Variants in LRRC1 observed in about 807,000 individuals in gnomAD.
LRRC1 encodes the protein leucine rich repeat containing 1.
A neutral mutation model predicts 69.9 loss-of-function variants in LRRC1; 28 were observed. The ratio of observed to expected loss-of-function variants is 0.40; its 90% CI spans 0.30 to 0.55. The LOEUF is 0.55. LRRC1 is among the 20% of genes least tolerant of loss of function. The pLI is 0.47. For synonymous variants in LRRC1, 236 were observed against 240.2 expected (o/e 0.98, Z 0.16); for missense variants, 498 against 609.0 (o/e 0.82, Z 1.92).
At chr6:53,889,457 A>T (rs1767605335) in intron 4 of LRRC1, among the ~76,000 whole-genome samples, 1 of 152,238 alleles carries the variant, frequency 6.6e-6, no homozygotes, top group Non-Finnish European at 1.5e-5. Flanking sequence ...GGGTAAGTTG[A>T]TAAACAAAAT....
chr6:53,870,757 C>T (rs1766856087), intron 2 of LRRC1, among the ~76,000 whole-genome samples: 7 of 152,114 alleles, frequency 4.6e-5, no homozygotes, highest in Admixed American at 4.6e-4. Flanking sequence ...CTTACTGTAA[C>T]TTTATACCTG....
intron 2 of LRRC1, among the ~76,000 whole-genome samples, chr6:53,856,005 A>C (rs1188878597): frequency 6.6e-6 from 1 of 152,176 alleles, no homozygotes; most frequent in Non-Finnish European, 1.5e-5. Context: ...TCTCACTGCC[A>C]GTTGAGTTTA....
At chr6:53,900,018 CTGT>C (rs1562066392) in intron 8 of LRRC1, 127 bp downstream of exon 8, 23 of 283,876 alleles carry the variant, frequency 8.1e-5, no homozygotes, top group East Asian at 1.2e-4. Context: ...AGTCTCCTTA[CTGT>C]TTTTTTTTTT....
intron 2 of LRRC1, among the ~76,000 whole-genome samples, chr6:53,857,977 T>C (rs1766367328): frequency 6.6e-6 from 1 of 152,240 alleles, no homozygotes; most frequent in Admixed American, 6.5e-5. Context: ...CTGCTCATAA[T>C]GTGTACATGT....
chr6:53,841,997 G>C (rs1765803907), intron 1 of LRRC1, 113 bp from the exon 2 acceptor site: 1 of 634,366 alleles, frequency 1.6e-6, no homozygotes, highest in Non-Finnish European at 2.7e-6. Context: ...GGAAATTGAT[G>C]TTGCTACAAC....
Position 53,884,205 on chromosome 6 carries a change from A to G in LRRC1, c.446+1229A>G, listed in dbSNP as rs1256225764. 76 of 561,846 alleles carry G rather than the reference A, an allele frequency of 1.4e-4. 2 individuals carry two copies. In the East Asian group the frequency reaches 2.3e-3, roughly 17 times the overall value. The allele number at this position is 561,846 out of a possible 1,614,324, so 34.8% of individuals were successfully genotyped here. On this transcript the variant is annotated intron_variant, in intron 4 of 13. Transcript: ENST00000370888. ...TTGCTGTATCAAGTGTCAGATATTT[A>G]TAATGTAACAATTTTTGTGCTGGGC... is the stretch of plus-strand genomic sequence containing the variant.
At chr6:53,827,464 G>A (rs1187370166) in intron 1 of LRRC1, among the ~76,000 whole-genome samples, 1 of 152,122 alleles carries the variant, frequency 6.6e-6, no homozygotes, top group East Asian at 1.9e-4. Context: ...TTAATCTCTT[G>A]AAGGAGCAGA....
intron 1 of LRRC1, among the ~76,000 whole-genome samples, chr6:53,829,044 C>T (rs1765350417): frequency 6.6e-6 from 1 of 152,188 alleles, no homozygotes; most frequent in South Asian, 2.1e-4. Context: ...CCTGTATTTA[C>T]TGTATTAAGT....
chr6:53,868,393 T>A (rs982390126), intron 2 of LRRC1, among the ~76,000 whole-genome samples: 13 of 152,108 alleles, frequency 8.5e-5, no homozygotes, highest in African/African-American at 3.1e-4. Flanking sequence ...CCCAGCTAAT[T>A]TTTGTATTTT....
At chr6:53,878,678 C>A (rs554755281) in intron 2 of LRRC1, among the ~76,000 whole-genome samples, 1 of 152,142 alleles carries the variant, frequency 6.6e-6, no homozygotes, top group Non-Finnish European at 1.5e-5. Flanking sequence ...CTGTGCATCC[C>A]GGTTCCTCAC....
chr6:53,909,089 T>C lies in LRRC1; in HGVS notation c.990+4627T>C, dbSNP rs989043716. 4.6e-5 allele frequency among the ~76,000 whole-genome samples: 7 copies of C among 152,224 alleles called. No homozygotes were observed. In the South Asian group the frequency reaches 6.2e-4, roughly 14 times the overall value. ...AACATTTATGGATATACACTAAGAATGATGTACAAGAACATTTCTCACATT... is the reference window on the plus strand; with the variant it reads ...AACATTTATGGATATACACTAAGAACGATGTACAAGAACATTTCTCACATT... On this transcript the variant is annotated intron_variant, in intron 10 of 13. Coordinates refer to ENST00000370888, the MANE Select transcript of LRRC1 (RefSeq NM_018214.5).
intron 2 of LRRC1, among the ~76,000 whole-genome samples, chr6:53,863,735 T>C (rs1418043061): frequency 6.6e-6 from 1 of 152,198 alleles, no homozygotes; most frequent in Non-Finnish European, 1.5e-5. Flanking sequence ...GATGTGGAGA[T>C]TTAACAGAAC....
intron 1 of LRRC1, among the ~76,000 whole-genome samples, chr6:53,839,032 A>G (rs1156620152): frequency 2.0e-5 from 3 of 151,980 alleles, no homozygotes; most frequent in Non-Finnish European, 4.4e-5. Context: ...TTATATTTGC[A>G]TGGTAAATCT....
chr6:53,864,230 C>G (rs1766622284), intron 2 of LRRC1, among the ~76,000 whole-genome samples: 1 of 152,136 alleles, frequency 6.6e-6, no homozygotes, highest in Non-Finnish European at 1.5e-5. Flanking sequence ...CCTCCTGGGT[C>G]TCCACAGAAG....
chr6:53,816,796 G>T (rs1286138981), intron 1 of LRRC1, among the ~76,000 whole-genome samples: 1 of 152,154 alleles, frequency 6.6e-6, no homozygotes, highest in East Asian at 1.9e-4. Flanking sequence ...TCTGCAACTT[G>T]TGAATACTTT....
intron 2 of LRRC1, among the ~76,000 whole-genome samples, chr6:53,859,345 A>G (rs1766420434): frequency 6.6e-6 from 1 of 152,112 alleles, no homozygotes; most frequent in Non-Finnish European, 1.5e-5. Flanking sequence ...GCATTTTTCT[A>G]CCTCCTAAGG....
At chr6:53,807,161 C>G (rs1764656218) in intron 1 of LRRC1, among the ~76,000 whole-genome samples, 1 of 152,178 alleles carries the variant, frequency 6.6e-6, no homozygotes, top group Admixed American at 6.5e-5. Flanking sequence ...GCTCTCTAGT[C>G]TCCTCCTGAA....
intron 10 of LRRC1, among the ~76,000 whole-genome samples, chr6:53,909,040 A>G (rs972497448): frequency 6.6e-6 from 1 of 152,222 alleles, no homozygotes; most frequent in African/African-American, 2.4e-5. Context: ...GTACCCTTTG[A>G]TTCTGCAATT....
chr6:53,858,130 G>A (rs76650906), intron 2 of LRRC1, among the ~76,000 whole-genome samples: 1 of 152,156 alleles, frequency 6.6e-6, no homozygotes, highest in African/African-American at 2.4e-5. Context: ...TTAGGACCAG[G>A]GTGGTCTCTG....
Sources: gnomAD v4.1 joint callset for allele counts (sites outside exome capture counted in the v4.1 genomes callset) on GRCh38, gnomAD v4.1.1 for gene constraint, MANE v1.5 for transcripts, NCBI Gene and HGNC (gene_info 2026-07-23, HGNC 2026-07-21) for gene names.